NKAIN3: variants seen among roughly 807,000 people sequenced by gnomAD.
The protein encoded by NKAIN3 is sodium/potassium transporting ATPase interacting 3, also known as sodium/potassium-transporting ATPase subunit beta-1-interacting protein 3.
Under a neutral mutation model 30.2 loss-of-function variants are expected in NKAIN3, and 25 were observed. The observed-to-expected ratio is 0.83, with a 90% CI of 0.60 to 1.16. NKAIN3 has a LOEUF of 1.16. Among genes scored for constraint, NKAIN3 ranks in the 50% most tolerant of loss-of-function variants. The probability of loss-of-function intolerance (pLI) is 0.00; values close to 1 mark genes in which losing one functional copy is unlikely to be tolerated. For missense variants in NKAIN3, 225 were observed against 254.1 expected (o/e 0.89, Z 0.78); for synonymous variants, 91 against 89.6 (o/e 1.02, Z -0.09).
chr8:62,289,173 T>G (rs1813488082), intron 1 of NKAIN3, among the ~76,000 whole-genome samples: 1 of 152,210 alleles, frequency 6.6e-6, no homozygotes, highest in Non-Finnish European at 1.5e-5. Flanking sequence ...TGGCAAAAAT[T>G]TTCTCCCATT....
In NKAIN3 at chr8:62,984,818, C is replaced by A. The variant is rs1203712125; in HGVS notation, c.*19411C>A. The A allele has an allele frequency of 6.6e-6, 1 of 152,072 alleles. No individual in the cohort carries two copies. The highest frequency in any genetic ancestry group is 1.9e-4 in the East Asian group (1 of 5,200). The allele number at this position is 152,072 out of a possible 1,614,324, so 9.4% of individuals were successfully genotyped here. A position where few individuals can be genotyped will look rare whatever the true frequency, so the allele number is the denominator to read the frequency against. On this transcript the variant is annotated 3_prime_UTR_variant, in exon 7 of 7. Transcript: ENST00000623646. ...CATACATTTTTTATGTCTCTCTGGA[C>A]CCTTTGATTCTAAGTAAATTTACAG...
chr8:62,288,316 T>C (rs1344663240), intron 1 of NKAIN3, among the ~76,000 whole-genome samples: 2 of 152,212 alleles, frequency 1.3e-5, no homozygotes, highest in Non-Finnish European at 2.9e-5. Context: ...AATGTATACA[T>C]GTGCCATGTT....
At chr8:62,558,318 G>A (rs1809470829) in intron 1 of NKAIN3, among the ~76,000 whole-genome samples, 1 of 152,126 alleles carries the variant, frequency 6.6e-6, no homozygotes, top group South Asian at 2.1e-4. Flanking sequence ...TGGCCTTATA[G>A]TATAGCTTGA....
intron 3 of NKAIN3, among the ~76,000 whole-genome samples, chr8:62,688,054 A>C (rs377381845): frequency 1.3e-5 from 2 of 152,246 alleles, no homozygotes; most frequent in South Asian, 2.1e-4. Context: ...AAGTTTCCAA[A>C]TTCAACCTCT....
chr8:62,940,537 AATT>A (rs1291228351), intron 5 of NKAIN3, among the ~76,000 whole-genome samples: 1 of 152,150 alleles, frequency 6.6e-6, no homozygotes, highest in Non-Finnish European at 1.5e-5. Context: ...AGTCTCAACA[AATT>A]TATGAAAATT....
At chr8:62,317,918 A>G (rs1170292335) in intron 1 of NKAIN3, among the ~76,000 whole-genome samples, 5 of 152,202 alleles carry the variant, frequency 3.3e-5, no homozygotes, top group Non-Finnish European at 5.9e-5. Flanking sequence ...AGCATGGAAT[A>G]TTCTTCCATT....
chr8:62,768,227 C>A (rs1816905050), intron 4 of NKAIN3, among the ~76,000 whole-genome samples: 1 of 152,164 alleles, frequency 6.6e-6, no homozygotes. Flanking sequence ...TTGTGTATCA[C>A]AGAGTATCTA....
intron 4 of NKAIN3, among the ~76,000 whole-genome samples, chr8:62,772,620 G>A (rs973048921): frequency 8.7e-5 from 13 of 149,730 alleles, no homozygotes; most frequent in African/African-American, 2.7e-4. Flanking sequence ...TTTGCTATTC[G>A]TAAGTCTTCC....
chr8:62,280,093 C>T (rs544948923), intron 1 of NKAIN3, among the ~76,000 whole-genome samples: 20 of 152,166 alleles, frequency 1.3e-4, no homozygotes, highest in African/African-American at 4.6e-4. Flanking sequence ...CCTTCACGTC[C>T]CTTGTAGGTT....
intron 1 of NKAIN3, among the ~76,000 whole-genome samples, chr8:62,404,090 C>T (rs573924630): frequency 6.6e-6 from 1 of 152,284 alleles, no homozygotes; most frequent in African/African-American, 2.4e-5. Flanking sequence ...ACATGGGGCC[C>T]GTAGCCCCTT....
chr8:62,340,023 T>C (rs1051275219), intron 1 of NKAIN3, among the ~76,000 whole-genome samples: 4 of 152,076 alleles, frequency 2.6e-5, no homozygotes, highest in African/African-American at 9.7e-5. Context: ...ATCACAAGGG[T>C]CTAGCTGACA....
intron 3 of NKAIN3, among the ~76,000 whole-genome samples, chr8:62,639,448 G>A (rs904748628): frequency 6.6e-6 from 1 of 152,156 alleles, no homozygotes; most frequent in South Asian, 2.1e-4. Flanking sequence ...AACAAAGAGA[G>A]ATGAGGACAA....
At chr8:62,647,988 G>A (rs1812516309) in intron 3 of NKAIN3, among the ~76,000 whole-genome samples, 1 of 152,072 alleles carries the variant, frequency 6.6e-6, no homozygotes, top group Admixed American at 6.6e-5. Context: ...ATATCGTCAA[G>A]GCCTATGAGA....
intron 1 of NKAIN3, among the ~76,000 whole-genome samples, chr8:62,492,037 G>A (rs1298100722): frequency 6.6e-6 from 1 of 152,108 alleles, no homozygotes; most frequent in African/African-American, 2.4e-5. Context: ...ACCTTACTGA[G>A]AACAGTTTCC....
intron 3 of NKAIN3, among the ~76,000 whole-genome samples, chr8:62,613,858 T>G (rs1811364746): frequency 6.6e-6 from 1 of 152,154 alleles, no homozygotes; most frequent in Non-Finnish European, 1.5e-5. Flanking sequence ...AATTTCTGCT[T>G]TATTCTTTTT....
At chr8:62,682,486 G>C (rs1246762884) in intron 3 of NKAIN3, among the ~76,000 whole-genome samples, 1 of 152,168 alleles carries the variant, frequency 6.6e-6, no homozygotes, top group East Asian at 1.9e-4. Context: ...ACAGAACGTG[G>C]GGGAGGGGTT....
intron 1 of NKAIN3, among the ~76,000 whole-genome samples, chr8:62,506,310 C>G (rs1424009129): frequency 1.3e-5 from 2 of 151,558 alleles, no homozygotes; most frequent in South Asian, 2.1e-4. Context: ...TTCCAAAGTG[C>G]CATTTCAAAG....
chr8:62,730,351 T>G (rs993520465), intron 3 of NKAIN3, among the ~76,000 whole-genome samples: 5 of 152,130 alleles, frequency 3.3e-5, no homozygotes, highest in Admixed American at 3.3e-4. Flanking sequence ...CACAAATATT[T>G]GTTAATTAAA....
intron 3 of NKAIN3, among the ~76,000 whole-genome samples, chr8:62,591,823 A>T (rs1050337079): frequency 2.6e-5 from 4 of 152,002 alleles, no homozygotes; most frequent in Non-Finnish European, 5.9e-5. Context: ...CCTCAATTCC[A>T]GTCTATGGGA....
Sources: allele counts gnomAD v4.1 joint callset (sites outside exome capture counted in the v4.1 genomes callset), GRCh38; gene constraint gnomAD v4.1.1; transcripts MANE v1.5; gene names NCBI Gene and HGNC (gene_info 2026-07-23, HGNC 2026-07-21).